VPS45: variants seen among roughly 807,000 people sequenced by gnomAD.
The protein encoded by VPS45 is vacuolar protein sorting-associated protein 45.
A neutral mutation model predicts 75.9 loss-of-function variants in VPS45; 35 were observed. That is an observed-to-expected ratio of 0.46 (90% CI 0.35 to 0.61). VPS45 has a LOEUF of 0.61. Ranked by LOEUF, VPS45 falls within the 20% of genes least tolerant of loss-of-function variation. The pLI, the probability that VPS45 is intolerant of heterozygous loss-of-function variation, is 0.00. For missense variants in VPS45, 559 were observed against 685.9 expected, an observed-to-expected ratio of 0.81 and a Z score of 2.07; for synonymous variants, 220 against 238.2, an observed-to-expected ratio of 0.92 and a Z score of 0.70.
At chr1:150,093,244 A>T (rs1465612678) in intron 12 of VPS45, among the ~76,000 whole-genome samples, 1 of 152,104 alleles carries the variant, frequency 6.6e-6, no homozygotes. Flanking sequence ...CTATCATTTA[A>T]CATTTCACAA....
At chr1:150,130,237 C>G (rs988703773) in intron 14 of VPS45, among the ~76,000 whole-genome samples, 2 of 104,988 alleles carry the variant, frequency 1.9e-5, no homozygotes, top group Non-Finnish European at 3.6e-5. Flanking sequence ...AGGCCTTGCT[C>G]TGTTGCCAGG....
intron 7 of VPS45, 80 bp from the exon 8 acceptor site, chr1:150,081,262 C>A: frequency 7.4e-7 from 1 of 1,345,052 alleles, no homozygotes; most frequent in South Asian, 1.4e-5. Context: ...AGAATGTTAT[C>A]AGTTTTTATT....
At chr1:150,127,795 T>C (rs1334408834) in intron 14 of VPS45, among the ~76,000 whole-genome samples, 1 of 152,236 alleles carries the variant, frequency 6.6e-6, no homozygotes, top group Non-Finnish European at 1.5e-5. Context: ...TTTTAAATCC[T>C]TTGTTTATAA....
At chr1:150,136,578 GA>G (rs1363150840) in intron 14 of VPS45, among the ~76,000 whole-genome samples, 4 of 151,908 alleles carry the variant, frequency 2.6e-5, no homozygotes, top group Admixed American at 1.3e-4. Flanking sequence ...AAAAAAAATT[GA>G]AAAGTGTTCA....
At chr1:150,144,196 G>A (rs1474239963) in intron 14 of VPS45, among the ~76,000 whole-genome samples, 7 of 151,710 alleles carry the variant, frequency 4.6e-5, no homozygotes, top group African/African-American at 1.5e-4. Context: ...CAATCCACCC[G>A]CCTCAGCCTT....
Position 150,067,830 on chromosome 1 carries a change from G to C in VPS45, c.-28G>C, listed in dbSNP as rs782398445. Reference sequence around the variant, plus strand: ...TTAGCCAGAAAAGGGGGCGGGAAGGGCTGTAGGGTACTTGTCAATTCGCCG... The same window carrying C: ...TTAGCCAGAAAAGGGGGCGGGAAGGCCTGTAGGGTACTTGTCAATTCGCCG... On this transcript the variant is annotated 5_prime_UTR_variant, in exon 1 of 15. Coordinates refer to ENST00000644510, the MANE Select transcript of VPS45 (RefSeq NM_007259.5). 1 of 1,610,804 alleles carries C rather than the reference G, an allele frequency of 6.2e-7. No individual in the cohort carries two copies. The highest frequency in any genetic ancestry group is 8.5e-7 in the Non-Finnish European group (1 of 1,177,140).
intron 14 of VPS45, among the ~76,000 whole-genome samples, chr1:150,122,075 C>T (rs1658262571): frequency 6.6e-6 from 1 of 152,182 alleles, no homozygotes; most frequent in Non-Finnish European, 1.5e-5. Flanking sequence ...AATCCCAGCA[C>T]TTTGGGGGGC....
At chr1:150,141,896 TG>T (rs1293786956) in intron 14 of VPS45, among the ~76,000 whole-genome samples, 1 of 152,230 alleles carries the variant, frequency 6.6e-6, no homozygotes, top group Non-Finnish European at 1.5e-5. Context: ...AACTGGACTA[TG>T]GCACCAACGG....
intron 14 of VPS45, among the ~76,000 whole-genome samples, chr1:150,119,191 A>G (rs1202872488): frequency 6.6e-6 from 1 of 152,200 alleles, no homozygotes; most frequent in Non-Finnish European, 1.5e-5. Context: ...TGAATGTAGG[A>G]TACCTTGGGT....
At chr1:150,132,233 G>C (rs1436749862) in intron 14 of VPS45, among the ~76,000 whole-genome samples, 5 of 152,150 alleles carry the variant, frequency 3.3e-5, no homozygotes, top group Admixed American at 3.3e-4. Context: ...AAGTTTGTAG[G>C]ATATGCCTTT....
At chr1:150,085,444 C>T (rs1655953002) in intron 10 of VPS45, among the ~76,000 whole-genome samples, 1 of 151,976 alleles carries the variant, frequency 6.6e-6, no homozygotes, top group South Asian at 2.1e-4. Context: ...ATTTGTGATC[C>T]ACTTTTTATT....
At chr1:150,128,338 G>A (rs1187260060) in intron 14 of VPS45, among the ~76,000 whole-genome samples, 2 of 151,526 alleles carry the variant, frequency 1.3e-5, no homozygotes, top group African/African-American at 2.4e-5. Context: ...TTAATTAGTG[G>A]AAGCTTTTAG....
chr1:150,070,694 A>AGC lies in VPS45; in HGVS notation c.229-1471_229-1470dup, dbSNP rs587709948. On this transcript the variant is annotated intron_variant, in intron 2 of 14. Coordinates refer to ENST00000644510, the MANE Select transcript of VPS45 (RefSeq NM_007259.5). The stretch of plus-strand genomic sequence containing the variant: ...CATGGTGGCAGGCGCCTGTAGTCCC[A>AGC]GCTACTAGGGAGGCTGAGGCAGGAG... 6.9e-3 allele frequency among the ~76,000 whole-genome samples: 1,053 copies of AGC among 151,532 alleles called. 8 individuals carry two copies. Among genetic ancestry groups the AGC allele is most frequent in the Middle Eastern group, 0.035 (10 of 288 alleles).
At chr1:150,134,134 T>C (rs1658961121) in intron 14 of VPS45, among the ~76,000 whole-genome samples, 2 of 152,224 alleles carry the variant, frequency 1.3e-5, no homozygotes, top group South Asian at 4.1e-4. Context: ...TTAGTTAGAA[T>C]CAAGGAAATA....
chr1:150,138,619 C>T (rs1486387438), intron 14 of VPS45, among the ~76,000 whole-genome samples: 1 of 152,122 alleles, frequency 6.6e-6, no homozygotes, highest in African/African-American at 2.4e-5. Flanking sequence ...CAGCAGCACT[C>T]CACCAGTTAT....
upstream of VPS45, chr1:150,067,699 T>G: frequency 1.4e-6 from 1 of 694,136 alleles, no homozygotes; most frequent in Non-Finnish European, 2.5e-6. Flanking sequence ...CCCTGTACAC[T>G]CCAGCGGAAC....
chr1:150,120,509 C>G (rs933167968), intron 14 of VPS45, among the ~76,000 whole-genome samples: 1 of 152,096 alleles, frequency 6.6e-6, no homozygotes, highest in Non-Finnish European at 1.5e-5. Flanking sequence ...AAGGAGTCAC[C>G]TGAAGATATA....
At chr1:150,103,664 C>T (rs1480683219) in intron 13 of VPS45, among the ~76,000 whole-genome samples, 1 of 152,158 alleles carries the variant, frequency 6.6e-6, no homozygotes, top group Admixed American at 6.5e-5. Flanking sequence ...TGCTAAAAGC[C>T]CACTTGAATT....
At chr1:150,120,218 A>G (rs1658164025) in intron 14 of VPS45, among the ~76,000 whole-genome samples, 1 of 152,196 alleles carries the variant, frequency 6.6e-6, no homozygotes, top group African/African-American at 2.4e-5. Context: ...TAATGGGTAG[A>G]TAGGTCAAAA....
Sources: gnomAD v4.1 joint callset for allele counts (sites outside exome capture counted in the v4.1 genomes callset) on GRCh38, gnomAD v4.1.1 for gene constraint, MANE v1.5 for transcripts, NCBI Gene and HGNC (gene_info 2026-07-23, HGNC 2026-07-21) for gene names.